The following PTPN12 variants were observed in gnomAD, a reference collection of about 807,000 sequenced individuals.
The protein encoded by PTPN12 is tyrosine-protein phosphatase non-receptor type 12.
Under a neutral mutation model 97.6 loss-of-function variants are expected in PTPN12, and 29 were observed. That is an observed-to-expected ratio of 0.30 (90% CI 0.22 to 0.41). The LOEUF (loss-of-function observed/expected upper bound fraction) is 0.41. Among genes scored for constraint, PTPN12 ranks in the 10% least tolerant of loss-of-function variants. The pLI is 1.00. For missense variants in PTPN12, 819 were observed against 926.0 expected (o/e 0.88, Z 1.50); for synonymous variants, 327 against 300.4 (o/e 1.09, Z -0.91).
At chr7:77,581,596 T>C (rs1787517988) in intron 3 of PTPN12, 93 bp downstream of exon 3, 1 of 598,314 alleles carries the variant, frequency 1.7e-6, no homozygotes, top group Admixed American at 3.7e-5. Flanking sequence ...TCAAACATGA[T>C]ACCAACAGCA....
chr7:77,564,749 T>TTTTTTTTG (rs1808171557), intron 1 of PTPN12, among the ~76,000 whole-genome samples: 1 of 67,318 alleles, frequency 1.5e-5, no homozygotes, highest in African/African-American at 7.1e-5. Context: ...TTGTCGTGTT[T>TTTTTTTTG]TTTTTTTTTT....
intron 6 of PTPN12, among the ~76,000 whole-genome samples, chr7:77,597,569 T>C (rs1215589051): frequency 2.0e-5 from 3 of 152,196 alleles, no homozygotes; most frequent in Non-Finnish European, 4.4e-5. Context: ...TGACACATAG[T>C]ATCTATACTT....
rs1806710971 is a variant in PTPN12 at position 77,537,519 on chromosome 7, G to A, written c.-28G>A. The A allele has an allele frequency of 5.7e-6, 9 of 1,567,626 alleles. No homozygotes were observed. The African/African-American group carries it at 7.0e-5, about 12-fold the overall frequency. On this transcript the variant is annotated 5_prime_UTR_variant, in exon 1 of 18. Transcript: ENST00000248594. ...GGGCGGGCGGGCGGCGGGGGGGCCA[G>A]CGACCGCAGCCGGGGGGACGCGGGA... is the stretch of plus-strand genomic sequence containing the variant.
rs1298553010 is a variant in PTPN12, at chr7:77,625,467, T to TGCTCGCTCGCGCGC, written c.1026-1230_1026-1229insGCGCGCGCTCGCTC. Among the ~76,000 whole-genome samples, 6 of 19,918 alleles carry TGCTCGCTCGCGCGC rather than the reference T, an allele frequency of 3.0e-4. 2 individuals carry two copies. The highest frequency in any genetic ancestry group is 1.6e-3 in the Admixed American group (2 of 1,260). The allele number at this position is 19,918 out of a possible 152,430, so 13.1% of individuals were successfully genotyped here. A position where few individuals can be genotyped will look rare whatever the true frequency, so the allele number is the denominator to read the frequency against. ...CAGGGTTTTGCCATATTGCCCAGGC[T>TGCTCGCTCGCGCGC]GCTCGCTCTCTCTCTCTCTCTCTCT... On this transcript the variant is annotated intron_variant, in intron 12 of 17. Coordinates refer to ENST00000248594, the MANE Select transcript of PTPN12 (RefSeq NM_002835.4).
chr7:77,537,557 T>G lies in PTPN12; in HGVS notation c.11T>G (p.Val4Gly), dbSNP rs755380047. MEQVEILRKFIQRV... is the reference protein window; with the variant it reads MEQGEILRKFIQRV... ...GGGGGACGCGGGAGGATGGAGCAAG[T>G]GGAGATCCTGAGGAAATTCATCCAG... The change falls in exon 1 of 18, where the codon GTG (valine) becomes GGG (glycine). Residue 4 changes from valine to glycine, a missense_variant. This residue lies in a region of PTPN12 where 59 missense variants were observed against 42.2 expected (regional missense o/e 1.40). Transcript: ENST00000248594. The G allele has an allele frequency of 6.3e-7, 1 of 1,597,462 alleles. No individual in the cohort carries two copies. The highest frequency in any genetic ancestry group is 8.5e-7 in the Non-Finnish European group (1 of 1,173,720).
intron 7 of PTPN12, among the ~76,000 whole-genome samples, chr7:77,598,711 G>A (rs1788097583): frequency 6.6e-6 from 1 of 151,586 alleles, no homozygotes; most frequent in African/African-American, 2.4e-5. Context: ...TAAAATAAAT[G>A]TTTTAAAAAT....
intron 12 of PTPN12, among the ~76,000 whole-genome samples, chr7:77,625,470 T>TCG (rs1383143819): frequency 6.7e-5 from 3 of 45,052 alleles, no homozygotes; most frequent in Non-Finnish European, 1.1e-4. Flanking sequence ...CCCAGGCTGC[T>TCG]CGCTCTCTCT....
intron 1 of PTPN12, among the ~76,000 whole-genome samples, chr7:77,559,455 C>T (rs2151306931): frequency 6.6e-6 from 1 of 152,206 alleles, no homozygotes; most frequent in East Asian, 1.9e-4. Context: ...GATGGTAAAA[C>T]AGTGAAAGCT....
chr7:77,584,673 C>T (rs1787629414), intron 4 of PTPN12, among the ~76,000 whole-genome samples: 1 of 152,074 alleles, frequency 6.6e-6, no homozygotes, highest in Non-Finnish European at 1.5e-5. Context: ...GTCAGGAGAT[C>T]GAGACCATCC....
chr7:77,573,111 A>C (rs80104392), intron 2 of PTPN12, among the ~76,000 whole-genome samples: 5 of 143,758 alleles, frequency 3.5e-5, no homozygotes, highest in East Asian at 2.0e-4. Flanking sequence ...AAAACAAAAA[A>C]AACCAGTGTA....
intron 9 of PTPN12, among the ~76,000 whole-genome samples, chr7:77,608,902 A>G (rs1788464358): frequency 6.6e-6 from 1 of 152,216 alleles, no homozygotes. Context: ...CTAGCAAACA[A>G]AACAAACATT....
intron 11 of PTPN12, among the ~76,000 whole-genome samples, chr7:77,614,403 G>A (rs1001172265): frequency 2.6e-5 from 4 of 151,862 alleles, no homozygotes; most frequent in African/African-American, 9.7e-5. Flanking sequence ...AGAGCTTTAC[G>A]GGAATATAAT....
intron 1 of PTPN12, among the ~76,000 whole-genome samples, chr7:77,543,239 G>A (rs1223102682): frequency 1.4e-5 from 2 of 144,490 alleles, no homozygotes; most frequent in African/African-American, 5.3e-5. Context: ...TAGATTATAG[G>A]GTGAAGGGTG....
rs972106115 is a variant in PTPN12, at chr7:77,639,919, T to G, written c.*639T>G. The G allele has an allele frequency of 1.3e-5, 2 of 152,610 alleles. No homozygotes were observed. The highest frequency in any genetic ancestry group is 4.8e-5 in the African/African-American group (2 of 41,448). 9.5% of individuals were successfully genotyped at this position (152,610 alleles called of 1,614,324 possible). The stretch of plus-strand genomic sequence containing the variant: ...TTCCTGTTTTCATCTAGTCAGAGAT[T>G]CAGTAAGTGCCTTGGAACAATATTG... On this transcript the variant is annotated 3_prime_UTR_variant, in exon 18 of 18. Coordinates refer to ENST00000248594, the MANE Select transcript of PTPN12 (RefSeq NM_002835.4).
intron 13 of PTPN12, among the ~76,000 whole-genome samples, chr7:77,631,176 A>G (rs1789384536): frequency 6.6e-6 from 1 of 152,132 alleles, no homozygotes; most frequent in Non-Finnish European, 1.5e-5. Flanking sequence ...GACTACCACT[A>G]CTGGATAAGG....
intron 16 of PTPN12, 52 bp from the exon 17 acceptor site, chr7:77,638,572 A>G (rs1301172777): frequency 3.8e-5 from 58 of 1,510,994 alleles, no homozygotes; most frequent in Non-Finnish European, 8.8e-6. Context: ...AGTTATATAT[A>G]TATGATGCTA....
rs1402854745 is a variant in PTPN12 at position 77,639,949 on chromosome 7, C to A, written c.*669C>A. 6.6e-6 allele frequency: 1 copy of A among 152,326 alleles called. No homozygotes were observed. The highest frequency in any genetic ancestry group is 1.5e-5 in the Non-Finnish European group (1 of 67,986). The allele number at this position is 152,326 out of a possible 1,614,324, so 9.4% of individuals were successfully genotyped here. A position where few individuals can be genotyped will look rare whatever the true frequency, so the allele number is the denominator to read the frequency against. On this transcript the variant is annotated 3_prime_UTR_variant, in exon 18 of 18. Coordinates refer to ENST00000248594, the MANE Select transcript of PTPN12 (RefSeq NM_002835.4). ...AAGTGCCTTGGAACAATATTGAATT[C>A]TCTTAGCTTGTGTGTGTTTCTTTAA...
chr7:77,613,207 C>G (rs2151378978), intron 11 of PTPN12, among the ~76,000 whole-genome samples: 1 of 117,024 alleles, frequency 8.5e-6, no homozygotes, highest in South Asian at 2.9e-4. Flanking sequence ...TGGAGTCTCG[C>G]TCTGTTGCCC....
At chr7:77,624,430 GTCTT>G (rs1219558287) in intron 12 of PTPN12, among the ~76,000 whole-genome samples, 1 of 151,664 alleles carries the variant, frequency 6.6e-6, no homozygotes, top group African/African-American at 2.4e-5. Context: ...ACTTCACAGA[GTCTT>G]TATTTATTTA....
Sources: allele counts gnomAD v4.1 joint callset (sites outside exome capture counted in the v4.1 genomes callset), GRCh38; gene constraint gnomAD v4.1.1; regional missense constraint gnomAD v4.1.1; transcripts MANE v1.5; gene names NCBI Gene and HGNC (gene_info 2026-07-23, HGNC 2026-07-21).